SCARA3: variants seen among roughly 807,000 people sequenced by gnomAD.
SCARA3 encodes the protein scavenger receptor class A member 3.
Under a neutral mutation model 47.0 loss-of-function variants are expected in SCARA3, and 39 were observed. The ratio of observed to expected loss-of-function variants is 0.83; its 90% CI spans 0.64 to 1.08. The LOEUF is 1.08. Among genes scored for constraint, SCARA3 ranks in the 50% least tolerant of loss-of-function variants. The pLI is 0.00. For missense variants in SCARA3, 724 were observed against 792.3 expected (o/e 0.91, Z 1.04); for synonymous variants, 356 against 334.1 (o/e 1.07, Z -0.71).
chr8:27,679,521 A>G (rs895106440), downstream of SCARA3, among the ~76,000 whole-genome samples: 2 of 152,228 alleles, frequency 1.3e-5, no homozygotes. Context: ...TATCAACAAC[A>G]GCAACAAAAA....
At chr8:27,657,795 C>T (rs1205762082) in intron 4 of SCARA3, among the ~76,000 whole-genome samples, 1 of 152,060 alleles carries the variant, frequency 6.6e-6, no homozygotes, top group Non-Finnish European at 1.5e-5. Context: ...CCGCCTCTGC[C>T]TCCCAAAGTG....
At chr8:27,640,344 T>G (rs1801356642) in intron 1 of SCARA3, among the ~76,000 whole-genome samples, 1 of 152,214 alleles carries the variant, frequency 6.6e-6, no homozygotes, top group African/African-American at 2.4e-5. Flanking sequence ...TGCACAGATT[T>G]TTTTCATGTA....
chr8:27,676,621 C>T, downstream of SCARA3: 1 of 1,327,168 alleles, frequency 7.5e-7, no homozygotes, highest in East Asian at 2.3e-5. Flanking sequence ...GCCATAAAGC[C>T]CAGGATGACC....
chr8:27,667,196 C>G (rs1802034549), intron 5 of SCARA3, among the ~76,000 whole-genome samples: 1 of 152,218 alleles, frequency 6.6e-6, no homozygotes, highest in Non-Finnish European at 1.5e-5. Context: ...CCCACACTAA[C>G]TACTAAACTA....
intron 5 of SCARA3, among the ~76,000 whole-genome samples, chr8:27,661,622 A>C (rs1801915185): frequency 6.6e-6 from 1 of 152,130 alleles, no homozygotes; most frequent in South Asian, 2.1e-4. Flanking sequence ...AGGAGGACAT[A>C]CCATAACCAT....
chr8:27,727,918 C>T, the SCARA3 span, among the ~76,000 whole-genome samples: 1 of 152,178 alleles, frequency 6.6e-6, no homozygotes, highest in African/African-American at 2.4e-5. Context: ...AATCCACGGG[C>T]CCAGGAAGGG....
At chr8:27,669,297 A>G (rs772686136) in intron 5 of SCARA3, among the ~76,000 whole-genome samples, 1 of 152,256 alleles carries the variant, frequency 6.6e-6, no homozygotes, top group Non-Finnish European at 1.5e-5. Flanking sequence ...CGCACCGCCA[A>G]CAGCTTCGTG....
chr8:27,693,142 GA>G, the SCARA3 span, among the ~76,000 whole-genome samples: 64,721 of 138,080 alleles, frequency 0.47, 14,461 homozygotes, highest in Middle Eastern at 0.58. Context: ...AAAAAAAAAA[GA>G]AAAAGAAAAG....
chr8:27,691,556 T>C, the SCARA3 span, among the ~76,000 whole-genome samples: 1 of 152,246 alleles, frequency 6.6e-6, no homozygotes, highest in South Asian at 2.1e-4. Flanking sequence ...TGAACCGCTG[T>C]CTCTTTTGGG....
At chr8:27,731,101 CTT>C in the SCARA3 span, among the ~76,000 whole-genome samples, 4 of 135,268 alleles carry the variant, frequency 3.0e-5, no homozygotes, top group Non-Finnish European at 1.6e-5. Context: ...TCTTTTTTTT[CTT>C]TTTTTTTTTT....
chr8:27,649,807 A>G lies in SCARA3; in HGVS notation c.106+7A>G. 1 of 1,608,680 alleles carries G rather than the reference A, an allele frequency of 6.2e-7. No individual in the cohort carries two copies. ...TTCCCATGCACCCAGAAGGGTAAGG[A>G]CTCTGGGGCTGCCCCTGATCTCCGC... On this transcript the variant is annotated splice_region_variant and intron_variant, in intron 2 of 5. Transcript: ENST00000301904.
At chr8:27,707,592 A>G in the SCARA3 span, among the ~76,000 whole-genome samples, 369 of 152,232 alleles carry the variant, frequency 2.4e-3, 2 homozygotes, top group Non-Finnish European at 2.9e-3. Flanking sequence ...TTAGGGAATA[A>G]AACCAGAAGT....
chr8:27,642,563 C>T (rs775825645), intron 1 of SCARA3, among the ~76,000 whole-genome samples: 1 of 152,118 alleles, frequency 6.6e-6, no homozygotes, highest in Non-Finnish European at 1.5e-5. Flanking sequence ...TGGCTCATGC[C>T]AGTAATCCCA....
At chr8:27,719,391 T>A in the SCARA3 span, among the ~76,000 whole-genome samples, 1 of 150,972 alleles carries the variant, frequency 6.6e-6, no homozygotes, top group Non-Finnish European at 1.5e-5. Context: ...GGGTGAAGAG[T>A]GGGAGGAGGG....
At chr8:27,663,592 G>T (rs908704362) in intron 5 of SCARA3, among the ~76,000 whole-genome samples, 7 of 152,234 alleles carry the variant, frequency 4.6e-5, no homozygotes, top group Non-Finnish European at 1.0e-4. Flanking sequence ...CTGGTCACTT[G>T]GTTGCCCATG....
rs1238276357 is a variant in SCARA3, at chr8:27,659,052, A to G, written c.882A>G (p.Ser294=). Residue 294 remains serine (S), a synonymous_variant, in exon 5 of 6, where the codon TCA becomes TCG. Coordinates refer to ENST00000301904, the MANE Select transcript of SCARA3 (RefSeq NM_016240.3). The part of the protein sequence containing the change: ...GASSQRISQN[S]ESMHDLVLQV... ...CCTCACAGCGCATCAGCCAGAACTCAGAGAGCATGCACGACCTGGTACTCC... is the reference window on the plus strand; with the variant it reads ...CCTCACAGCGCATCAGCCAGAACTCGGAGAGCATGCACGACCTGGTACTCC... The G allele has an allele frequency of 4.3e-6, 7 of 1,613,956 alleles. No individual in the cohort carries two copies. The highest frequency in any genetic ancestry group is 5.1e-6 in the Non-Finnish European group (6 of 1,179,996).
chr8:27,710,180 A>AGAT, the SCARA3 span, among the ~76,000 whole-genome samples: 1 of 147,008 alleles, frequency 6.8e-6, no homozygotes, highest in Admixed American at 7.0e-5. Flanking sequence ...CAGTTAGCTG[A>AGAT]GATGGTGCCA....
the SCARA3 span, among the ~76,000 whole-genome samples, chr8:27,709,244 CTG>C: frequency 6.6e-6 from 1 of 152,168 alleles, no homozygotes; most frequent in Non-Finnish European, 1.5e-5. Context: ...GGTTTCTAAC[CTG>C]TGAGTGATCA....
At chr8:27,730,864 G>T in the SCARA3 span, among the ~76,000 whole-genome samples, 2 of 151,748 alleles carry the variant, frequency 1.3e-5, no homozygotes, top group African/African-American at 4.8e-5. Flanking sequence ...CCCTATTCCC[G>T]TTTATACCTT....
Sources: gnomAD v4.1 joint callset for allele counts (sites outside exome capture counted in the v4.1 genomes callset) on GRCh38, gnomAD v4.1.1 for gene constraint, MANE v1.5 for transcripts, NCBI Gene and HGNC (gene_info 2026-07-23, HGNC 2026-07-21) for gene names.